The following RIMBP2 variants were observed in gnomAD, a reference collection of about 807,000 sequenced individuals.
The protein encoded by RIMBP2 is RIMS binding protein 2, also known as RIMS-binding protein 2.
RIMBP2 carries 48 observed loss-of-function variants against 118.6 expected under a neutral mutation model. That is an observed-to-expected ratio of 0.40 (90% CI 0.32 to 0.51). The LOEUF (loss-of-function observed/expected upper bound fraction) is 0.51. RIMBP2 is among the 20% of genes least tolerant of loss of function. The pLI is 0.41. For synonymous variants in RIMBP2, 762 were observed against 742.9 expected, an observed-to-expected ratio of 1.03 and a Z score of -0.42; for missense variants, 1,551 against 1,768.3, an observed-to-expected ratio of 0.88 and a Z score of 2.20.
chr12:130,560,806 C>T (rs1205776862), intron 2 of RIMBP2, among the ~76,000 whole-genome samples: 1 of 152,162 alleles, frequency 6.6e-6, no homozygotes, highest in Non-Finnish European at 1.5e-5. Context: ...GAGCCCATGT[C>T]GAAATTTTCT....
intron 21 of RIMBP2, among the ~76,000 whole-genome samples, chr12:130,400,899 T>TATC (rs2074473580): frequency 6.6e-6 from 1 of 152,256 alleles, no homozygotes; most frequent in African/African-American, 2.4e-5. Flanking sequence ...CTCACACTAC[T>TATC]ATCAAAAACA....
intron 4 of RIMBP2, among the ~76,000 whole-genome samples, chr12:130,496,311 C>T (rs949156404): frequency 7.9e-5 from 12 of 152,178 alleles, no homozygotes; most frequent in Non-Finnish European, 1.5e-4. Flanking sequence ...CCTGCTCCCA[C>T]GTGACACATG....
At chr12:130,535,155 T>G (rs2139422597) in intron 2 of RIMBP2, among the ~76,000 whole-genome samples, 1 of 152,192 alleles carries the variant, frequency 6.6e-6, no homozygotes, top group African/African-American at 2.4e-5. Context: ...AGTGAGCAGC[T>G]GCTGCTCTGT....
intron 2 of RIMBP2, among the ~76,000 whole-genome samples, chr12:130,600,275 C>T (rs2059791192): frequency 6.6e-6 from 1 of 152,232 alleles, no homozygotes; most frequent in South Asian, 2.1e-4. Flanking sequence ...CAAAGGGCAT[C>T]AGCCTAATGG....
At chr12:130,673,169 C>T (rs1400320825) in intron 1 of RIMBP2, among the ~76,000 whole-genome samples, 1 of 152,206 alleles carries the variant, frequency 6.6e-6, no homozygotes, top group Non-Finnish European at 1.5e-5. Flanking sequence ...CACATCGCTC[C>T]CCGTTTAGGT....
intron 4 of RIMBP2, among the ~76,000 whole-genome samples, chr12:130,496,097 T>C (rs1380315312): frequency 2.0e-5 from 3 of 152,184 alleles, no homozygotes; most frequent in Admixed American, 1.3e-4. Context: ...TGATACGGTT[T>C]GGCTGTGCCC....
At chr12:130,412,079 G>A (rs1950005644) in intron 19 of RIMBP2, among the ~76,000 whole-genome samples, 1 of 152,006 alleles carries the variant, frequency 6.6e-6, no homozygotes, top group Non-Finnish European at 1.5e-5. Context: ...ACTCATAAAT[G>A]TAATGTTGCT....
chr12:130,653,980 G>A (rs184217188), intron 1 of RIMBP2, among the ~76,000 whole-genome samples: 82 of 152,300 alleles, frequency 5.4e-4, no homozygotes, highest in African/African-American at 1.9e-3. Context: ...GGGCTGTGAT[G>A]GGAGGGGCTG....
chr12:130,654,879 G>T (rs1232303634), intron 1 of RIMBP2, among the ~76,000 whole-genome samples: 1 of 152,164 alleles, frequency 6.6e-6, no homozygotes, highest in East Asian at 1.9e-4. Flanking sequence ...CAGCAAGAAA[G>T]CCAGGGAGGA....
rs565282362 is a variant in RIMBP2, at chr12:130,413,504, G to A, written c.3420+621C>T. ...AAAATTTAGCTGGGTGTGATGGCGC[G>A]CATCTGTGTTCCCAGCTACTCGGGA... On this transcript the variant is annotated intron_variant, in intron 18 of 22. Coordinates refer to ENST00000690449, the MANE Select transcript of RIMBP2 (RefSeq NM_001393629.1). Among the ~76,000 whole-genome samples the A allele has an allele frequency of 1.6e-4, 24 of 151,968 alleles. No homozygotes were observed. The East Asian group carries it at 2.9e-3, about 18-fold the overall frequency.
At chr12:130,553,616 T>C (rs1218044472) in intron 2 of RIMBP2, among the ~76,000 whole-genome samples, 1 of 152,146 alleles carries the variant, frequency 6.6e-6, no homozygotes. Context: ...TGGTGGTGCA[T>C]GCTTGTATTC....
intron 11 of RIMBP2, among the ~76,000 whole-genome samples, chr12:130,438,940 T>C (rs1260655335): frequency 6.6e-6 from 1 of 152,062 alleles, no homozygotes; most frequent in East Asian, 1.9e-4. Context: ...AAGAGAGATC[T>C]TGGCAGAAGG....
intron 2 of RIMBP2, among the ~76,000 whole-genome samples, chr12:130,563,676 G>A: frequency 6.6e-6 from 1 of 152,114 alleles, no homozygotes; most frequent in East Asian, 1.9e-4. Context: ...TAAATCTTGA[G>A]CCGGGTTGGC....
intron 1 of RIMBP2, among the ~76,000 whole-genome samples, chr12:130,693,380 C>T (rs1266257658): frequency 1.3e-5 from 2 of 151,482 alleles, no homozygotes; most frequent in East Asian, 3.9e-4. Flanking sequence ...CCATGCTATC[C>T]TAACGATGCC....
At position 130,445,186 on chromosome 12, in the gene RIMBP2, T is replaced by G. The variant is rs2078425921; in HGVS notation, c.665A>C (p.Asp222Ala). 1 of 1,611,020 alleles carries G rather than the reference T, an allele frequency of 6.2e-7. No homozygotes were observed. Among genetic ancestry groups the G allele is most frequent in the Admixed American group, 1.7e-5 (1 of 59,224 alleles). ...TTCATAGAACCCATCCTCATCCATG[T>G]CTCCATAGACGTAGAGGTATTTTCC... Reference protein sequence around the residue: ...TAGKYLYVYGDMDEDGFYEGE... With the variant: ...TAGKYLYVYGAMDEDGFYEGE... The change falls in exon 10 of 23, where the codon GAC becomes GCC. Residue 222 changes from aspartate to alanine, a missense_variant. Transcript: ENST00000690449.
rs1479160273 is a variant in RIMBP2 at position 130,622,221 on chromosome 12, C to T, written c.-217+6101G>A. ...CCTGGGTAACAGGCAGGGCCTGTGG[C>T]TGACTGGAGCAGACGTGAAGCCCCC... is the stretch of plus-strand genomic sequence containing the variant. On this transcript the variant is annotated intron_variant, in intron 2 of 22. Coordinates refer to ENST00000690449, the MANE Select transcript of RIMBP2 (RefSeq NM_001393629.1). The surrounding 1 kb of genome is among the most constrained non-coding windows in gnomAD (Gnocchi z 8.5). Among the ~76,000 whole-genome samples, 1 of 152,156 alleles carries T rather than the reference C, an allele frequency of 6.6e-6. No homozygotes were observed. Among genetic ancestry groups the T allele is most frequent in the Non-Finnish European group, 1.5e-5 (1 of 68,046 alleles).
chr12:130,526,864 A>T (rs1356724754), intron 2 of RIMBP2, among the ~76,000 whole-genome samples: 1 of 152,200 alleles, frequency 6.6e-6, no homozygotes, highest in Non-Finnish European at 1.5e-5. Flanking sequence ...AAAAGGCTTC[A>T]TAAGTGGTTC....
chr12:130,439,893 GTGTATC>G (rs1217805150), intron 11 of RIMBP2, among the ~76,000 whole-genome samples: 1 of 144,270 alleles, frequency 6.9e-6, no homozygotes, highest in Non-Finnish European at 1.5e-5. Context: ...GTATGTGTAT[GTGTATC>G]TGTCTATGTG....
chr12:130,490,448 C>A (rs2048532565), intron 4 of RIMBP2, among the ~76,000 whole-genome samples: 1 of 152,114 alleles, frequency 6.6e-6, no homozygotes, highest in Non-Finnish European at 1.5e-5. Context: ...TGCTTCTTCC[C>A]AACTAGGAAA....
Sources: gnomAD v4.1 joint callset for allele counts (sites outside exome capture counted in the v4.1 genomes callset) on GRCh38, gnomAD v4.1.1 for gene constraint, Gnocchi (gnomAD v3.1) non-coding constraint, MANE v1.5 for transcripts, NCBI Gene and HGNC (gene_info 2026-07-23, HGNC 2026-07-21) for gene names.